LRP1B: variants seen among roughly 807,000 people sequenced by gnomAD.
LRP1B encodes LDL receptor related protein 1B.
LRP1B carries 217 observed loss-of-function variants against 556.6 expected under a neutral mutation model. The observed-to-expected ratio is 0.39, with a 90% CI of 0.35 to 0.44. The LOEUF (loss-of-function observed/expected upper bound fraction) is 0.44, where lower values mean the gene tolerates loss of function less well. Among genes scored for constraint, LRP1B ranks in the 20% least tolerant of loss-of-function variants. The pLI, the probability that LRP1B is intolerant of heterozygous loss-of-function variation, is 1.00. For synonymous variants in LRP1B, 2,047 were observed against 1,865.8 expected (o/e 1.10, Z -2.50); for missense variants, 5,053 against 5,620.8 (o/e 0.90, Z 3.23).
intron 1 of LRP1B, among the ~76,000 whole-genome samples, chr2:142,030,773 T>C (rs548252143): frequency 6.6e-6 from 1 of 151,954 alleles, no homozygotes; most frequent in South Asian, 2.1e-4. Context: ...GAAATCAGTC[T>C]TGATGCCAAG....
At chr2:140,589,803 T>C (rs1387926841) in intron 43 of LRP1B, among the ~76,000 whole-genome samples, 3 of 152,140 alleles carry the variant, frequency 2.0e-5, no homozygotes, top group Non-Finnish European at 4.4e-5. Context: ...GTGACAAAGT[T>C]ATGGAAGTGG....
chr2:141,699,134 G>C (rs1691843842), intron 2 of LRP1B, among the ~76,000 whole-genome samples: 1 of 151,764 alleles, frequency 6.6e-6, no homozygotes, highest in African/African-American at 2.4e-5. Flanking sequence ...AGCACGAAGA[G>C]AGAAATTTAA....
At chr2:141,356,729 A>G (rs961019825) in intron 3 of LRP1B, among the ~76,000 whole-genome samples, 2 of 152,178 alleles carry the variant, frequency 1.3e-5, no homozygotes, top group African/African-American at 4.8e-5. Context: ...TATGTTTTAT[A>G]TAACTGTGAG....
intron 2 of LRP1B, among the ~76,000 whole-genome samples, chr2:141,793,763 G>T (rs550223102): frequency 6.6e-6 from 1 of 151,706 alleles, no homozygotes; most frequent in South Asian, 2.1e-4. Context: ...TTGTTTTAAC[G>T]TGTATCAGTT....
intron 2 of LRP1B, among the ~76,000 whole-genome samples, chr2:141,605,053 C>T (rs572215247): frequency 6.6e-6 from 1 of 152,056 alleles, no homozygotes; most frequent in African/African-American, 2.4e-5. Flanking sequence ...CGGGTGGGAA[C>T]GTTGCCAGCC....
At chr2:140,963,425 GT>G (rs1352197377) in intron 18 of LRP1B, among the ~76,000 whole-genome samples, 2 of 150,198 alleles carry the variant, frequency 1.3e-5, no homozygotes, top group African/African-American at 4.9e-5. Flanking sequence ...GTGTGTGTGT[GT>G]GCATGTACAT....
At chr2:141,936,151 A>T (rs891804050) in intron 1 of LRP1B, among the ~76,000 whole-genome samples, 2 of 152,178 alleles carry the variant, frequency 1.3e-5, no homozygotes, top group Admixed American at 1.3e-4. Context: ...TCTGTATAAG[A>T]TCAGACACAA....
At chr2:141,578,180 G>A (rs1053893878) in intron 2 of LRP1B, among the ~76,000 whole-genome samples, 1 of 152,068 alleles carries the variant, frequency 6.6e-6, no homozygotes, top group Non-Finnish European at 1.5e-5. Context: ...TGGATCATGA[G>A]GTCAAGAGCT....
intron 80 of LRP1B, among the ~76,000 whole-genome samples, chr2:140,324,340 T>A (rs912882210): frequency 6.6e-6 from 1 of 152,000 alleles, no homozygotes; most frequent in Non-Finnish European, 1.5e-5. Context: ...TGGGGGTTAT[T>A]ATTTGCAGAC....
At chr2:140,333,317 A>G (rs1680908541) in intron 79 of LRP1B, among the ~76,000 whole-genome samples, 3 of 152,090 alleles carry the variant, frequency 2.0e-5, no homozygotes, top group African/African-American at 7.2e-5. Context: ...TATAGCATGT[A>G]TAACAATGTG....
At chr2:142,100,074 G>A (rs921579159) in intron 1 of LRP1B, among the ~76,000 whole-genome samples, 1 of 151,828 alleles carries the variant, frequency 6.6e-6, no homozygotes. Flanking sequence ...TGTAAGTGGG[G>A]TTTTCTACAT....
At chr2:141,078,044 G>A (rs1259113553) in intron 7 of LRP1B, among the ~76,000 whole-genome samples, 2 of 149,650 alleles carry the variant, frequency 1.3e-5, no homozygotes, top group Non-Finnish European at 1.5e-5. Flanking sequence ...AAGCTTATTT[G>A]GGTGAAGTTT....
chr2:141,745,681 G>A (rs1210190871), intron 2 of LRP1B, among the ~76,000 whole-genome samples: 1 of 151,756 alleles, frequency 6.6e-6, no homozygotes, highest in African/African-American at 2.4e-5. Flanking sequence ...CCCAACTGTG[G>A]TTAATTTAGT....
intron 7 of LRP1B, among the ~76,000 whole-genome samples, chr2:141,069,286 C>T (rs1699568999): frequency 6.6e-6 from 1 of 151,984 alleles, no homozygotes; most frequent in Non-Finnish European, 1.5e-5. Context: ...GGAGTTAACT[C>T]GGCAAGTAAG....
chr2:141,514,234 T>C (rs1684229829), intron 2 of LRP1B, among the ~76,000 whole-genome samples: 1 of 152,190 alleles, frequency 6.6e-6, no homozygotes, highest in Admixed American at 6.5e-5. Flanking sequence ...GGAGCCTGCT[T>C]GCTCTAAACC....
At position 140,502,952 on chromosome 2, in the gene LRP1B, T is replaced by C; in HGVS notation, c.8662+11A>G. On this transcript the variant is annotated intron_variant, in intron 54 of 90. Coordinates refer to ENST00000389484, the MANE Select transcript of LRP1B (RefSeq NM_018557.3). ...TTTAGAGTAAATGCGGTATTGTATA[T>C]ATTTCTGTACCTGCACTTTTACACT... The C allele has an allele frequency of 6.2e-7, 1 of 1,612,630 alleles. No homozygotes were observed. Among genetic ancestry groups the C allele is most frequent in the African/African-American group, 1.3e-5 (1 of 75,004 alleles).
intron 50 of LRP1B, 58 bp from the exon 51 acceptor site, chr2:140,514,830 C>A (rs914333108): frequency 1.4e-6 from 2 of 1,449,498 alleles, no homozygotes; most frequent in East Asian, 2.4e-5. Flanking sequence ...ACAACAGATC[C>A]GACAGTGAGA....
intron 6 of LRP1B, among the ~76,000 whole-genome samples, chr2:141,192,319 C>G (rs992782430): frequency 1.3e-5 from 2 of 151,758 alleles, no homozygotes; most frequent in African/African-American, 2.4e-5. Context: ...AGCCTGGAAA[C>G]TAGAATTTTT....
chr2:140,249,493 T>C (rs960239323), intron 86 of LRP1B, among the ~76,000 whole-genome samples: 1 of 151,698 alleles, frequency 6.6e-6, no homozygotes, highest in African/African-American at 2.4e-5. Flanking sequence ...TGGGAGCCCA[T>C]TTAAATTCAT....
Sources: gnomAD v4.1 joint callset for allele counts (sites outside exome capture counted in the v4.1 genomes callset) on GRCh38, gnomAD v4.1.1 for gene constraint, MANE v1.5 for transcripts, NCBI Gene and HGNC (gene_info 2026-07-23, HGNC 2026-07-21) for gene names.